Variants in CRPPA observed in about 807,000 individuals in gnomAD.
CRPPA encodes D-ribitol-5-phosphate cytidylyltransferase.
CRPPA carries 43 observed loss-of-function variants against 52.0 expected under a neutral mutation model. The ratio of observed to expected loss-of-function variants is 0.83; its 90% CI spans 0.65 to 1.07. The LOEUF (loss-of-function observed/expected upper bound fraction) is 1.07. Among genes scored for constraint, CRPPA ranks in the 50% least tolerant of loss-of-function variants. CRPPA has a pLI of 0.00. For synonymous variants in CRPPA, 250 were observed against 203.5 expected (o/e 1.23, Z -1.94); for missense variants, 629 against 551.7 (o/e 1.14, Z -1.40).
At chr7:16,396,587 G>A (rs1423918469) in intron 2 of CRPPA, among the ~76,000 whole-genome samples, 2 of 152,194 alleles carry the variant, frequency 1.3e-5, no homozygotes, top group African/African-American at 4.8e-5. Context: ...CCAGTCTGAG[G>A]AAAAGAAGTC....
chr7:16,266,779 C>A (rs1783966519), intron 6 of CRPPA, among the ~76,000 whole-genome samples: 2 of 152,068 alleles, frequency 1.3e-5, no homozygotes, highest in African/African-American at 4.8e-5. Context: ...GTGCCCAGCC[C>A]CGTTTTATTA....
At chr7:16,338,111 C>G (rs777871369) in intron 3 of CRPPA, among the ~76,000 whole-genome samples, 54 of 152,142 alleles carry the variant, frequency 3.5e-4, no homozygotes, top group Non-Finnish European at 5.9e-4. Context: ...ATTAGCAAAC[C>G]AATTGGGAAT....
At chr7:16,209,243 G>T in intron 9 of CRPPA, 1 of 262,218 alleles carries the variant, frequency 3.8e-6, no homozygotes, top group Non-Finnish European at 7.4e-6. Context: ...GGTAAGAAGA[G>T]ACACGGCCAA....
intron 2 of CRPPA, among the ~76,000 whole-genome samples, chr7:16,398,291 C>A (rs945642457): frequency 1.3e-5 from 2 of 151,868 alleles, no homozygotes; most frequent in African/African-American, 4.8e-5. Flanking sequence ...AAGACAAACA[C>A]GTGACTGACA....
intron 3 of CRPPA, among the ~76,000 whole-genome samples, chr7:16,368,189 C>A (rs1004100503): frequency 1.3e-5 from 2 of 152,180 alleles, no homozygotes; most frequent in Admixed American, 1.3e-4. Flanking sequence ...AAGAATTTCA[C>A]ATTTGAAGAT....
At chr7:16,266,857 T>G (rs1783970264) in intron 6 of CRPPA, among the ~76,000 whole-genome samples, 1 of 152,216 alleles carries the variant, frequency 6.6e-6, no homozygotes, top group Non-Finnish European at 1.5e-5. Flanking sequence ...CTTTTCTTTC[T>G]GTCGAGCTTT....
intron 9 of CRPPA, among the ~76,000 whole-genome samples, chr7:16,146,862 C>T (rs557101513): frequency 6.6e-6 from 1 of 152,242 alleles, no homozygotes; most frequent in African/African-American, 2.4e-5. Flanking sequence ...AAAGGAATTA[C>T]AAATCAAGTC....
intron 5 of CRPPA, among the ~76,000 whole-genome samples, chr7:16,280,444 A>T (rs548274401): frequency 6.8e-4 from 104 of 152,356 alleles, no homozygotes; most frequent in African/African-American, 2.3e-3. Flanking sequence ...AAAGCTCCTC[A>T]TGAAAACATT....
At chr7:16,324,700 C>T (rs949370581) in intron 3 of CRPPA, among the ~76,000 whole-genome samples, 3 of 152,200 alleles carry the variant, frequency 2.0e-5, no homozygotes, top group Non-Finnish European at 4.4e-5. Context: ...TCATTATCTG[C>T]TCATGACATA....
chr7:16,404,634 A>T (rs201564298), intron 2 of CRPPA, among the ~76,000 whole-genome samples: 1 of 151,922 alleles, frequency 6.6e-6, no homozygotes, highest in Admixed American at 6.6e-5. Flanking sequence ...AAAAAAAAAA[A>T]TTGTGTATAA....
At chr7:16,361,584 T>G (rs1004967840) in intron 3 of CRPPA, among the ~76,000 whole-genome samples, 1 of 152,106 alleles carries the variant, frequency 6.6e-6, no homozygotes, top group Non-Finnish European at 1.5e-5. Context: ...CTTAAAGACA[T>G]GATGCTAAGT....
At chr7:16,341,607 T>G (rs748883452) in intron 3 of CRPPA, among the ~76,000 whole-genome samples, 1 of 152,192 alleles carries the variant, frequency 6.6e-6, no homozygotes, top group Non-Finnish European at 1.5e-5. Context: ...GAAAGTACTG[T>G]TTATACATAT....
chr7:16,243,955 T>C (rs115238024), intron 8 of CRPPA, among the ~76,000 whole-genome samples: 1,715 of 152,244 alleles, frequency 0.011, 37 homozygotes, highest in African/African-American at 0.039. Flanking sequence ...TAGAGTGAGA[T>C]CCTGTCTCAG....
At chr7:16,281,410 AC>A (rs1784318414) in intron 5 of CRPPA, among the ~76,000 whole-genome samples, 1 of 152,200 alleles carries the variant, frequency 6.6e-6, no homozygotes, top group Admixed American at 6.5e-5. Context: ...TTACTTATAA[AC>A]TGATGTTTTA....
intron 2 of CRPPA, among the ~76,000 whole-genome samples, chr7:16,376,625 G>C (rs888678480): frequency 6.6e-6 from 1 of 152,122 alleles, no homozygotes; most frequent in Admixed American, 6.5e-5. Context: ...ATACCCTCAG[G>C]AGAGTTACAT....
At chr7:16,251,197 C>A (rs1783439744) in intron 8 of CRPPA, among the ~76,000 whole-genome samples, 1 of 152,102 alleles carries the variant, frequency 6.6e-6, no homozygotes, top group South Asian at 2.1e-4. Context: ...TATATATACA[C>A]CCAATACAGG....
At chr7:16,324,679 A>C (rs1264655371) in intron 3 of CRPPA, among the ~76,000 whole-genome samples, 1 of 152,242 alleles carries the variant, frequency 6.6e-6, no homozygotes, top group East Asian at 1.9e-4. Context: ...ACACTCTTTA[A>C]ATCACTAACA....
Position 16,420,697 on chromosome 7 carries a change from C to A in CRPPA, c.257+369G>T, listed in dbSNP as rs1200280952. Among the ~76,000 whole-genome samples, 4 of 152,228 alleles carry A rather than the reference C, an allele frequency of 2.6e-5. No individual in the cohort carries two copies. In the East Asian group the frequency reaches 7.7e-4, roughly 29 times the overall value. ...ACGTACAACTCAATCCACGCATGCG[C>A]GGAGGCAGAGCCCCAGGACCGCGAG... On this transcript the variant is annotated intron_variant, in intron 1 of 9. Coordinates refer to ENST00000407010, the MANE Select transcript of CRPPA (RefSeq NM_001101426.4).
chr7:16,286,058 T>TAGAATATTTAAAAAAAAAAA (rs1562608478), intron 5 of CRPPA, among the ~76,000 whole-genome samples: 2 of 31,014 alleles, frequency 6.4e-5, no homozygotes, highest in African/African-American at 2.3e-4. Context: ...TATATATATA[T>TAGAATATTTAAAAAAAAAAA]ATATATATAT....
Sources: allele counts gnomAD v4.1 joint callset (sites outside exome capture counted in the v4.1 genomes callset), GRCh38; gene constraint gnomAD v4.1.1; transcripts MANE v1.5; gene names NCBI Gene and HGNC (gene_info 2026-07-23, HGNC 2026-07-21).